Variants in SAMD12 observed in about 807,000 individuals in gnomAD.
SAMD12 encodes sterile alpha motif domain containing 12.
SAMD12 carries 9 observed loss-of-function variants against 15.0 expected under a neutral mutation model. The observed-to-expected ratio is 0.60, with a 90% CI of 0.36 to 1.05. SAMD12 has a LOEUF of 1.05. SAMD12 is among the 50% of genes least tolerant of loss of function. The pLI is 0.01. For missense variants in SAMD12, 230 were observed against 234.2 expected, an observed-to-expected ratio of 0.98 and a Z score of 0.12; for synonymous variants, 86 against 90.1, an observed-to-expected ratio of 0.96 and a Z score of 0.25.
At chr8:118,223,251 CTTCTAGAGTTGTCACT>C (rs1156674783) in intron 4 of SAMD12, among the ~76,000 whole-genome samples, 1 of 152,178 alleles carries the variant, frequency 6.6e-6, no homozygotes, top group Non-Finnish European at 1.5e-5. Context: ...TACACTCTTA[CTTCTAGAGTTGTCACT>C]TTCTTTTTCA....
chr8:118,485,569 T>C lies in SAMD12; in HGVS notation c.193-45608A>G, dbSNP rs142599240. 7.9e-5 allele frequency among the ~76,000 whole-genome samples: 12 copies of C among 152,338 alleles called. No homozygotes were observed. In the East Asian group the frequency reaches 2.3e-3, roughly 29 times the overall value. ...ATGACATTTGTGCTATAGAAGTCAATTGGCAAAATGCATATATATGCATAT... is the reference window on the plus strand; with the variant it reads ...ATGACATTTGTGCTATAGAAGTCAACTGGCAAAATGCATATATATGCATAT... On this transcript the variant is annotated intron_variant, in intron 2 of 3. Coordinates refer to ENST00000314727, the MANE Select transcript of SAMD12 (RefSeq NM_207506.3).
At chr8:118,555,370 T>C (rs1826497195) in intron 2 of SAMD12, among the ~76,000 whole-genome samples, 1 of 152,202 alleles carries the variant, frequency 6.6e-6, no homozygotes, top group Non-Finnish European at 1.5e-5. Flanking sequence ...TTCTCTCTTT[T>C]TGAGTGGGTG....
At chr8:118,169,444 C>T in the SAMD12 span, among the ~76,000 whole-genome samples, 1 of 152,166 alleles carries the variant, frequency 6.6e-6, no homozygotes, top group Non-Finnish European at 1.5e-5. Flanking sequence ...AAAGCTTTCC[C>T]TACAGATGCA....
intron 4 of SAMD12, among the ~76,000 whole-genome samples, chr8:118,262,604 CA>C (rs1813105286): frequency 6.6e-6 from 1 of 152,054 alleles, no homozygotes; most frequent in South Asian, 2.1e-4. Context: ...GCGGCACAGA[CA>C]ACATGGAAAA....
chr8:118,382,531 T>C (rs1016774797), intron 3 of SAMD12, among the ~76,000 whole-genome samples: 2 of 152,230 alleles, frequency 1.3e-5, no homozygotes, highest in African/African-American at 4.8e-5. Context: ...TTAATAGCAT[T>C]GGGTTTAAAT....
intron 4 of SAMD12, among the ~76,000 whole-genome samples, chr8:118,268,271 C>T (rs578219241): frequency 1.3e-5 from 2 of 152,254 alleles, no homozygotes; most frequent in South Asian, 4.1e-4. Context: ...CTTCCCATTC[C>T]CTACTTTCAT....
chr8:118,248,175 T>A (rs1812738921), intron 4 of SAMD12, among the ~76,000 whole-genome samples: 1 of 152,138 alleles, frequency 6.6e-6, no homozygotes, highest in Non-Finnish European at 1.5e-5. Context: ...ATTCTTCCAC[T>A]GTAGGAACTG....
chr8:118,533,903 C>A (rs1825760772), intron 2 of SAMD12, among the ~76,000 whole-genome samples: 1 of 152,092 alleles, frequency 6.6e-6, no homozygotes, highest in Admixed American at 6.6e-5. Context: ...TCCAATTTGC[C>A]AGTCTGTGTC....
chr8:118,186,707 G>GT (rs1254205811), downstream of SAMD12, among the ~76,000 whole-genome samples: 1 of 152,016 alleles, frequency 6.6e-6, no homozygotes, highest in Non-Finnish European at 1.5e-5. Context: ...TACTAGTTTT[G>GT]TTTTAATGAT....
chr8:118,255,705 T>C (rs943847154), intron 4 of SAMD12, among the ~76,000 whole-genome samples: 2 of 151,858 alleles, frequency 1.3e-5, no homozygotes, highest in Admixed American at 6.6e-5. Context: ...CATGGCTGCA[T>C]AGTATTCCAT....
chr8:118,395,397 A>G (rs1820504203), intron 3 of SAMD12, among the ~76,000 whole-genome samples: 1 of 152,172 alleles, frequency 6.6e-6, no homozygotes, highest in South Asian at 2.1e-4. Flanking sequence ...TCAGATACGT[A>G]GAGTGATTCT....
At chr8:118,249,134 C>T (rs1227765472) in intron 4 of SAMD12, among the ~76,000 whole-genome samples, 1 of 152,090 alleles carries the variant, frequency 6.6e-6, no homozygotes, top group Non-Finnish European at 1.5e-5. Flanking sequence ...CATATCACTT[C>T]ATTTATGTGG....
intron 1 of SAMD12, among the ~76,000 whole-genome samples, chr8:118,620,770 C>T (rs1319924528): frequency 2.0e-5 from 3 of 152,182 alleles, no homozygotes; most frequent in South Asian, 4.1e-4. Context: ...AGGCTGATTT[C>T]CCCTTGGCAA....
At chr8:118,620,829 C>A (rs577651187) in intron 1 of SAMD12, among the ~76,000 whole-genome samples, 2 of 152,182 alleles carry the variant, frequency 1.3e-5, no homozygotes, top group East Asian at 3.8e-4. Flanking sequence ...TACTTCAGTA[C>A]GCCCTCTGAC....
chr8:118,407,015 A>G (rs11779857), intron 3 of SAMD12, among the ~76,000 whole-genome samples: 608 of 152,106 alleles, frequency 4.0e-3, no homozygotes, highest in Non-Finnish European at 6.3e-3. Flanking sequence ...AAACATGGCA[A>G]AATCTCAGGA....
chr8:118,381,387 TG>T (rs1412996010), intron 3 of SAMD12, among the ~76,000 whole-genome samples: 1 of 152,242 alleles, frequency 6.6e-6, no homozygotes, highest in Non-Finnish European at 1.5e-5. Flanking sequence ...TTGCTTTCTA[TG>T]GCTGGTGGAC....
At position 118,266,002 on chromosome 8, in the gene SAMD12, G is replaced by T. The variant is rs12549947; in HGVS notation, c.434-68270C>A. On this transcript the variant is annotated intron_variant, in intron 4 of 4. Coordinates refer to the SAMD12 transcript ENST00000409003. The stretch of plus-strand genomic sequence containing the variant: ...ACTGGGTAATTTATAAAGAAAAGAG[G>T]TTTAATTGACTCACAATTCCAAAGG... 5.2e-3 allele frequency among the ~76,000 whole-genome samples: 791 copies of T among 152,216 alleles called. 15 individuals are homozygous for T. The highest frequency in any genetic ancestry group is 0.036 in the Admixed American group (550 of 15,268).
chr8:118,375,249 A>G (rs1763101529), downstream of SAMD12, among the ~76,000 whole-genome samples: 1 of 152,174 alleles, frequency 6.6e-6, no homozygotes, highest in African/African-American at 2.4e-5. Flanking sequence ...ATAAAGCGTA[A>G]TGGGTAAAAG....
chr8:118,582,360 ACTTTC>A (rs1257142617), intron 1 of SAMD12, among the ~76,000 whole-genome samples: 3 of 152,126 alleles, frequency 2.0e-5, no homozygotes, highest in East Asian at 1.9e-4. Context: ...ATGATCCATC[ACTTTC>A]CTTTCATCTA....
Sources: allele counts gnomAD v4.1 joint callset (sites outside exome capture counted in the v4.1 genomes callset), GRCh38; gene constraint gnomAD v4.1.1; transcripts MANE v1.5; gene names NCBI Gene and HGNC (gene_info 2026-07-23, HGNC 2026-07-21).